Variants in SPPL3 observed in about 807,000 individuals in gnomAD.
The protein encoded by SPPL3 is signal peptide peptidase-like 3.
SPPL3 carries 5 observed loss-of-function variants against 42.4 expected under a neutral mutation model. The ratio of observed to expected loss-of-function variants is 0.12; its 90% CI spans 0.06 to 0.25. The LOEUF (loss-of-function observed/expected upper bound fraction) is 0.25. Ranked by LOEUF, SPPL3 falls within the 10% of genes least tolerant of loss-of-function variation. The probability of loss-of-function intolerance (pLI) is 1.00; values close to 1 mark genes in which losing one functional copy is unlikely to be tolerated. For missense variants in SPPL3, 235 were observed against 489.0 expected, an observed-to-expected ratio of 0.48 and a Z score of 4.90; for synonymous variants, 195 against 181.8, an observed-to-expected ratio of 1.07 and a Z score of -0.58.
intron 1 of SPPL3, among the ~76,000 whole-genome samples, chr12:120,828,560 T>C (rs1283621819): frequency 1.3e-5 from 2 of 152,280 alleles, no homozygotes; most frequent in Non-Finnish European, 2.9e-5. Context: ...GCAAAGGAAG[T>C]AGAATAGCTA....
intron 2 of SPPL3, among the ~76,000 whole-genome samples, chr12:120,797,410 G>A (rs982311560): frequency 2.0e-5 from 3 of 152,062 alleles, no homozygotes; most frequent in East Asian, 1.9e-4. Context: ...TAAGTATGAC[G>A]GGAAAACTAT....
intron 2 of SPPL3, among the ~76,000 whole-genome samples, chr12:120,801,412 A>G (rs1167498064): frequency 2.0e-5 from 3 of 150,978 alleles, no homozygotes; most frequent in Non-Finnish European, 4.4e-5. Flanking sequence ...TAAAAGCATC[A>G]GCCATCTGGC....
At position 120,801,522 on chromosome 12, in the gene SPPL3, T is replaced by G. The variant is rs114559831; in HGVS notation, c.101+9287A>C. Among the ~76,000 whole-genome samples, 517 of 152,262 alleles carry G rather than the reference T, an allele frequency of 3.4e-3. 3 individuals are homozygous for G. The highest frequency in any genetic ancestry group is 0.012 in the African/African-American group (500 of 41,538). ...AATCTGCTATTTGTCAGTGGATTTT[T>G]CAGCGAGGATTCAGGGGGCACAGAG... On this transcript the variant is annotated intron_variant, in intron 2 of 10. Transcript: ENST00000353487.
intron 1 of SPPL3, among the ~76,000 whole-genome samples, chr12:120,833,356 A>G (rs1871493083): frequency 6.6e-6 from 1 of 152,204 alleles, no homozygotes; most frequent in African/African-American, 2.4e-5. Flanking sequence ...AGGCCTTAAA[A>G]AGGAGACAGC....
At chr12:120,837,379 C>T (rs977773142) in intron 1 of SPPL3, among the ~76,000 whole-genome samples, 5 of 152,072 alleles carry the variant, frequency 3.3e-5, no homozygotes, top group Non-Finnish European at 1.5e-5. Flanking sequence ...GAAATTGGAG[C>T]GCATTTTATA....
chr12:120,899,392 G>C (rs79545408), intron 1 of SPPL3, among the ~76,000 whole-genome samples: 2,476 of 152,108 alleles, frequency 0.016, 28 homozygotes, highest in South Asian at 0.067. Context: ...TTCAACAAAG[G>C]ATGAACCATC....
intron 1 of SPPL3, among the ~76,000 whole-genome samples, chr12:120,862,346 T>C (rs1006991302): frequency 2.6e-5 from 4 of 152,182 alleles, no homozygotes; most frequent in African/African-American, 4.8e-5. Context: ...TCTGACACTA[T>C]TACCCAAAGG....
Position 120,764,824 on chromosome 12 carries a change from G to C in SPPL3, c.*175C>G. 1 of 651,282 alleles carries C rather than the reference G, an allele frequency of 1.5e-6. No homozygotes were observed. Among genetic ancestry groups the C allele is most frequent in the South Asian group, 2.6e-5 (1 of 39,146 alleles). The allele number at this position is 651,282 out of a possible 1,614,324, so 40.3% of individuals were successfully genotyped here. On this transcript the variant is annotated 3_prime_UTR_variant, in exon 11 of 11. Coordinates refer to ENST00000353487, the MANE Select transcript of SPPL3 (RefSeq NM_139015.5). Reference sequence around the variant, plus strand: ...CGCAGGAAGAGAAGGAACCAAACAGGGCTCCAGCACCTCTCTCCTGCAAAC... The same window carrying C: ...CGCAGGAAGAGAAGGAACCAAACAGCGCTCCAGCACCTCTCTCCTGCAAAC...
intron 1 of SPPL3, among the ~76,000 whole-genome samples, chr12:120,842,682 T>C (rs948344217): frequency 3.3e-5 from 5 of 152,102 alleles, no homozygotes; most frequent in South Asian, 2.1e-4. Flanking sequence ...ACAAGCACTT[T>C]TGGGCCTCTT....
chr12:120,833,620 AG>A (rs1871502275), intron 1 of SPPL3, among the ~76,000 whole-genome samples: 1 of 142,210 alleles, frequency 7.0e-6, no homozygotes, highest in Non-Finnish European at 1.5e-5. Context: ...ACTTGAGGCC[AG>A]GAGTTGGGAG....
chr12:120,831,202 G>A (rs1012345903), intron 1 of SPPL3, among the ~76,000 whole-genome samples: 4 of 152,102 alleles, frequency 2.6e-5, no homozygotes, highest in Admixed American at 2.6e-4. Context: ...CAGGCCTTTG[G>A]ACTTGGACTC....
chr12:120,777,046 CCT>C (rs1160567714), intron 6 of SPPL3, among the ~76,000 whole-genome samples: 6 of 152,090 alleles, frequency 3.9e-5, no homozygotes, highest in Admixed American at 6.5e-5. Flanking sequence ...ATGGGGGTGG[CCT>C]CTCAATCTGT....
rs117094695 is a variant in SPPL3 at position 120,796,739 on chromosome 12, T to A, written c.102-5182A>T. On this transcript the variant is annotated intron_variant, in intron 2 of 10. Transcript: ENST00000353487. ...ATTATTCTCTATCATTGAGGCAAGA[T>A]CTGAGTACTCTATCCAATGCCAAAT... Among the ~76,000 whole-genome samples the A allele has an allele frequency of 2.6e-5, 4 of 152,324 alleles. No individual in the cohort carries two copies. In the East Asian group the frequency reaches 7.7e-4, roughly 29 times the overall value.
chr12:120,867,418 G>C lies in SPPL3; in HGVS notation c.23+36427C>G, dbSNP rs79317714. Among the ~76,000 whole-genome samples the C allele has an allele frequency of 3.9e-4, 59 of 152,266 alleles. 1 individual carries two copies. The East Asian group carries it at 0.011, about 29-fold the overall frequency. The stretch of plus-strand genomic sequence containing the variant: ...GCGGTGGCTCACGCCTGTAATCCCA[G>C]CACTTTGGAAGGCCGAGGTGGGTGG... On this transcript the variant is annotated intron_variant, in intron 1 of 10. Transcript: ENST00000353487.
chr12:120,802,798 T>C (rs1870361466), intron 2 of SPPL3, among the ~76,000 whole-genome samples: 1 of 152,134 alleles, frequency 6.6e-6, no homozygotes, highest in Non-Finnish European at 1.5e-5. Context: ...TAACAGCCCA[T>C]TCATTCTCCA....
intron 9 of SPPL3, among the ~76,000 whole-genome samples, chr12:120,766,723 A>C (rs145984512): frequency 9.9e-5 from 15 of 152,218 alleles, no homozygotes; most frequent in African/African-American, 3.4e-4. Context: ...AGCTAACATA[A>C]ATGTAGTTCA....
chr12:120,793,414 G>A (rs1869988411), intron 2 of SPPL3, among the ~76,000 whole-genome samples: 1 of 152,158 alleles, frequency 6.6e-6, no homozygotes, highest in Non-Finnish European at 1.5e-5. Context: ...GAGATCACTT[G>A]AGCCCAGGAG....
intron 1 of SPPL3, among the ~76,000 whole-genome samples, chr12:120,832,035 A>C (rs1871442748): frequency 6.6e-6 from 1 of 152,170 alleles, no homozygotes; most frequent in African/African-American, 2.4e-5. Context: ...CTTTATCACC[A>C]ATCTGAAATC....
At chr12:120,794,776 A>G (rs1870043803) in intron 2 of SPPL3, among the ~76,000 whole-genome samples, 1 of 152,156 alleles carries the variant, frequency 6.6e-6, no homozygotes, top group African/African-American at 2.4e-5. Context: ...CTATCATCTT[A>G]CTATTTGTTT....
Sources: gnomAD v4.1 joint callset for allele counts (sites outside exome capture counted in the v4.1 genomes callset) on GRCh38, gnomAD v4.1.1 for gene constraint, MANE v1.5 for transcripts, NCBI Gene and HGNC (gene_info 2026-07-23, HGNC 2026-07-21) for gene names.